PDE8A: variants seen among roughly 807,000 people sequenced by gnomAD.
PDE8A encodes the protein phosphodiesterase 8A.
Under a neutral mutation model 105.0 loss-of-function variants are expected in PDE8A, and 59 were observed. The observed-to-expected ratio is 0.56, with a 90% CI of 0.46 to 0.70. The LOEUF is 0.70. PDE8A is among the 30% of genes least tolerant of loss of function. PDE8A has a pLI of 0.00. For missense variants in PDE8A, 1,014 were observed against 1,045.9 expected (o/e 0.97, Z 0.42); for synonymous variants, 355 against 371.9 (o/e 0.95, Z 0.52).
chr15:85,084,718 A>C (rs55666458), intron 6 of PDE8A, among the ~76,000 whole-genome samples: 8 of 152,124 alleles, frequency 5.3e-5, no homozygotes, highest in Non-Finnish European at 1.0e-4. Context: ...AAATGGCAAA[A>C]ATAGTGCTTT....
At chr15:85,119,202 G>A (rs1053621158) in intron 17 of PDE8A, among the ~76,000 whole-genome samples, 2 of 152,028 alleles carry the variant, frequency 1.3e-5, no homozygotes, top group African/African-American at 4.8e-5. Flanking sequence ...TTATTGAAAT[G>A]TCATGGTGGC....
chr15:85,051,628 G>A (rs189421569), intron 1 of PDE8A, among the ~76,000 whole-genome samples: 199 of 151,958 alleles, frequency 1.3e-3, no homozygotes, highest in African/African-American at 4.5e-3. Flanking sequence ...CCCTCCCTCC[G>A]CCTGCCACAG....
intron 13 of PDE8A, 105 bp from the exon 14 acceptor site, chr15:85,113,768 C>T: frequency 1.2e-6 from 1 of 854,916 alleles, no homozygotes; most frequent in South Asian, 1.7e-5. Context: ...AATTCTCCCA[C>T]CTCAGCCTCC....
chr15:85,125,613 C>A (rs889124670), intron 19 of PDE8A, among the ~76,000 whole-genome samples: 4 of 152,126 alleles, frequency 2.6e-5, no homozygotes, highest in Admixed American at 6.5e-5. Flanking sequence ...ATAAATAATA[C>A]TTTTCATGCT....
At chr15:85,040,370 T>TAAA (rs35955528) in intron 1 of PDE8A, among the ~76,000 whole-genome samples, 3 of 103,720 alleles carry the variant, frequency 2.9e-5, no homozygotes, top group African/African-American at 7.1e-5. Context: ...ACCTCTTCTC[T>TAAA]AAAAAAAAAA....
chr15:85,097,707 G>T, intron 8 of PDE8A: 1 of 429,634 alleles, frequency 2.3e-6, no homozygotes, highest in South Asian at 2.9e-5. Context: ...GTCTGCAGAT[G>T]GCCACTGAAA....
chr15:85,136,479 TA>T, intron 20 of PDE8A, 54 bp from the exon 21 acceptor site: 1 of 1,573,528 alleles, frequency 6.4e-7, no homozygotes, highest in Non-Finnish European at 8.6e-7. Context: ...GGGCTGCCCC[TA>T]GGTGGAGTGG....
rs539895601 is a variant in PDE8A, at chr15:85,062,049, AGTT to A, written c.187-2315_187-2313del. On this transcript the variant is annotated intron_variant, in intron 1 of 21. Transcript: ENST00000394553. ...TTCTTTAGTTCTTTTAGCATCTTGA[AGTT>A]GTTGTAAAGTCTTTGTCTAGTAGAT... Among the ~76,000 whole-genome samples the A allele has an allele frequency of 5.3e-5, 8 of 151,870 alleles. 1 individual carries two copies. In the South Asian group the frequency reaches 1.7e-3, roughly 32 times the overall value.
intron 1 of PDE8A, among the ~76,000 whole-genome samples, chr15:85,040,777 T>A (rs1421087344): frequency 6.6e-6 from 1 of 151,962 alleles, no homozygotes; most frequent in Non-Finnish European, 1.5e-5. Flanking sequence ...GCCAGGATGG[T>A]CTCGATCTCC....
intron 1 of PDE8A, among the ~76,000 whole-genome samples, chr15:85,005,343 C>T (rs1012518552): frequency 2.0e-5 from 3 of 152,084 alleles, no homozygotes; most frequent in Non-Finnish European, 2.9e-5. Flanking sequence ...CTTGAACTCC[C>T]GGACTCAAGC....
intron 8 of PDE8A, among the ~76,000 whole-genome samples, chr15:85,091,550 A>G (rs1376234283): frequency 6.6e-6 from 1 of 152,208 alleles, no homozygotes; most frequent in Non-Finnish European, 1.5e-5. Flanking sequence ...TCTGAGCCCA[A>G]GATTTCTCCA....
intron 1 of PDE8A, among the ~76,000 whole-genome samples, chr15:85,053,131 A>G (rs1480992548): frequency 6.6e-6 from 1 of 152,170 alleles, no homozygotes; most frequent in Admixed American, 6.5e-5. Context: ...AGATGGTTGT[A>G]GATGTATGGT....
intron 1 of PDE8A, among the ~76,000 whole-genome samples, chr15:85,024,455 G>A (rs62021205): frequency 0.04 from 6,126 of 151,782 alleles, 156 homozygotes; most frequent in Middle Eastern, 0.059. Flanking sequence ...CCCTTTCTTA[G>A]TTTGGCCTTA....
At chr15:85,090,706 C>G (rs1311687458) in intron 7 of PDE8A, 1 of 439,356 alleles carries the variant, frequency 2.3e-6, no homozygotes, top group Non-Finnish European at 4.6e-6. Context: ...ACCCCCACCC[C>G]CATCTAAACA....
rs567360442 is a variant in PDE8A at position 85,095,407 on chromosome 15, G to A, written c.853-2541G>A. ...TGCCCAGGCTGGAGTGCAGTGGGGT[G>A]ATATCGGCTCACTGCAACCTCTGCC... On this transcript the variant is annotated intron_variant, in intron 8 of 21. Coordinates refer to ENST00000394553, the MANE Select transcript of PDE8A (RefSeq NM_002605.3). Among the ~76,000 whole-genome samples the A allele has an allele frequency of 1.2e-4, 18 of 152,198 alleles. 1 individual carries two copies. In the East Asian group the frequency reaches 2.9e-3, roughly 25 times the overall value.
Position 85,067,013 on chromosome 15 carries a change from G to C in PDE8A, c.244-1G>C. 6.3e-7 allele frequency: 1 copy of C among 1,579,050 alleles called. No individual in the cohort carries two copies. Among genetic ancestry groups the C allele is most frequent in the Non-Finnish European group, 8.6e-7 (1 of 1,162,446 alleles). On this transcript the variant is annotated splice_acceptor_variant, in intron 2 of 21. Transcript: ENST00000394553. LOFTEE classifies it high-confidence loss of function. ...AAAGTGTTTGTGCTCTTTTGATTCA[G>C]GTACTTTTAGTGTTTACCAAAGAAG...
At chr15:85,090,900 C>A in intron 7 of PDE8A, 144 bp from the exon 8 acceptor site, 1 of 699,118 alleles carries the variant, frequency 1.4e-6, no homozygotes, top group Admixed American at 2.3e-5. Flanking sequence ...GTGCTTATGG[C>A]TTCACAACTG....
intron 1 of PDE8A, among the ~76,000 whole-genome samples, chr15:85,056,137 C>A (rs904407095): frequency 6.6e-6 from 1 of 152,058 alleles, no homozygotes; most frequent in Non-Finnish European, 1.5e-5. Flanking sequence ...AATATTGGCC[C>A]CCACCCTCTT....
At chr15:85,070,296 A>G (rs2081291879) in intron 3 of PDE8A, among the ~76,000 whole-genome samples, 2 of 152,228 alleles carry the variant, frequency 1.3e-5, no homozygotes, top group Admixed American at 6.5e-5. Flanking sequence ...TATGTCTATT[A>G]TATTTCCAAA....
Sources: gnomAD v4.1 joint callset for allele counts (sites outside exome capture counted in the v4.1 genomes callset) on GRCh38, gnomAD v4.1.1 for gene constraint, MANE v1.5 for transcripts, NCBI Gene and HGNC (gene_info 2026-07-23, HGNC 2026-07-21) for gene names.